Variants in SUPV3L1 observed in about 807,000 individuals in gnomAD.
SUPV3L1 encodes ATP-dependent RNA helicase SUPV3L1, mitochondrial.
In SUPV3L1, 35 loss-of-function variants were observed where a neutral mutation model predicts 70.0. The observed-to-expected ratio is 0.50, with a 90% CI of 0.38 to 0.66. The LOEUF (loss-of-function observed/expected upper bound fraction) is 0.66. Among genes scored for constraint, SUPV3L1 ranks in the 30% least tolerant of loss-of-function variants. The probability of loss-of-function intolerance (pLI) is 0.00; values close to 1 mark genes in which losing one functional copy is unlikely to be tolerated. For missense variants in SUPV3L1, 777 were observed against 961.5 expected (o/e 0.81, Z 2.54); for synonymous variants, 364 against 341.9 (o/e 1.06, Z -0.71).
intron 5 of SUPV3L1, among the ~76,000 whole-genome samples, chr10:69,191,225 A>G (rs1024751779): frequency 7.4e-6 from 1 of 136,014 alleles, no homozygotes; most frequent in Middle Eastern, 3.8e-3. Context: ...GGAAAAAAGC[A>G]TTGGGAATTT....
chr10:69,201,467 TC>T (rs1404650085), intron 11 of SUPV3L1, among the ~76,000 whole-genome samples: 1 of 152,144 alleles, frequency 6.6e-6, no homozygotes, highest in Non-Finnish European at 1.5e-5. Flanking sequence ...TTTTTCTTAT[TC>T]ATTTTAATTC....
At chr10:69,193,960 G>A (rs1426356079) in intron 6 of SUPV3L1, among the ~76,000 whole-genome samples, 5 of 152,186 alleles carry the variant, frequency 3.3e-5, no homozygotes, top group African/African-American at 1.2e-4. Flanking sequence ...GAGCATGACT[G>A]AGGCCCAAGG....
In SUPV3L1 at chr10:69,186,405, A is replaced by T; in HGVS notation, c.350-38A>T. ...GTGTCTGTGTGCTTTTTAAAATGAG[A>T]ACTACACCTTACATCTTTTCATTTT... On this transcript the variant is annotated intron_variant, in intron 2 of 14. Coordinates refer to ENST00000359655, the MANE Select transcript of SUPV3L1 (RefSeq NM_003171.5). 4 of 1,486,254 alleles carry T rather than the reference A, an allele frequency of 2.7e-6. No individual in the cohort carries two copies. In the South Asian group the frequency reaches 4.5e-5, roughly 17 times the overall value. The allele number at this position is 1,486,254 out of a possible 1,614,324, so 92.1% of individuals were successfully genotyped here. A position where few individuals can be genotyped will look rare whatever the true frequency, so the allele number is the denominator to read the frequency against.
rs1271219722 is a variant in SUPV3L1 at position 69,208,764 on chromosome 10, C to T, written c.2090C>T (p.Ser697Leu). The T allele has an allele frequency of 1.2e-6, 2 of 1,614,134 alleles. No homozygotes were observed. Among genetic ancestry groups the T allele is most frequent in the Admixed American group, 1.7e-5 (1 of 60,018 alleles). The change falls in exon 15 of 15, where the codon TCA becomes TTA. Residue 697 changes from serine (S) to leucine (L), a missense_variant. This residue lies in a region of SUPV3L1 where 619 missense variants were observed against 823.3 expected (regional missense o/e 0.75). Transcript: ENST00000359655. Reference sequence around the variant, plus strand: ...GAGGGCTTTCCATCAGGGAGCCAGTCACGATTGTCAGGAACCTTAAAGAGC... The same window carrying T: ...GAGGGCTTTCCATCAGGGAGCCAGTTACGATTGTCAGGAACCTTAAAGAGC... ...NLEGFPSGSQ[S>L]RLSGTLKSQA...
intron 12 of SUPV3L1, 126 bp downstream of exon 12, chr10:69,202,645 A>G: frequency 6.1e-6 from 7 of 1,150,652 alleles, no homozygotes; most frequent in Non-Finnish European, 7.3e-6. Flanking sequence ...AATTTATTTT[A>G]CAAGTGAAAA....
chr10:69,187,612 C>A, intron 3 of SUPV3L1, 30 bp from the exon 4 acceptor site: 1 of 1,445,294 alleles, frequency 6.9e-7, no homozygotes, highest in Non-Finnish European at 9.5e-7. Context: ...ATGTAGATTG[C>A]ACATGTTAAT....
chr10:69,194,040 A>G (rs1842470947), intron 6 of SUPV3L1, among the ~76,000 whole-genome samples: 1 of 152,198 alleles, frequency 6.6e-6, no homozygotes, highest in African/African-American at 2.4e-5. Flanking sequence ...ATGCTTCATT[A>G]GTAAATGAAG....
At chr10:69,196,865 T>C (rs1305540705) in intron 7 of SUPV3L1, 127 bp from the exon 8 acceptor site, 15 of 700,484 alleles carry the variant, frequency 2.1e-5, no homozygotes, top group Non-Finnish European at 3.3e-5. Flanking sequence ...AGAGATAATA[T>C]TTTTGAAAAT....
In SUPV3L1 at chr10:69,208,828, T is replaced by G. The variant is rs2132314080; in HGVS notation, c.2154T>G (p.Ser718Arg). The G allele has an allele frequency of 6.2e-7, 1 of 1,613,934 alleles. No individual in the cohort carries two copies. Among genetic ancestry groups the G allele is most frequent in the Admixed American group, 1.7e-5 (1 of 59,978 alleles). Residue 718 changes from serine (S) to arginine (R), a missense_variant, in exon 15 of 15, where the codon AGT (serine) becomes AGG (arginine). Ser to Arg is a moderately radical substitution (Grantham distance 110, BLOSUM62 -1). Around this residue, in one of 2 missense-constraint regions of SUPV3L1, gnomAD observed 619 missense variants for 823.3 expected, o/e 0.75. Coordinates refer to ENST00000359655, the MANE Select transcript of SUPV3L1 (RefSeq NM_003171.5). ...CACGCGGCACCAAAGCTCTAGGGAG[T>G]AAAGCTACTGAGCCACCCAGCCCCG... is the stretch of plus-strand genomic sequence containing the variant. ...RRTRGTKALG[S>R]KATEPPSPDA...
rs146467120 is a variant in SUPV3L1, at chr10:69,206,401, C to A, written c.1777-1392C>A. ...AATCAGGAAATGAATCATTTGAAATCAGCTTGAATCTTGAAGCTGAAGATT... is the reference window on the plus strand; with the variant it reads ...AATCAGGAAATGAATCATTTGAAATAAGCTTGAATCTTGAAGCTGAAGATT... On this transcript the variant is annotated intron_variant, in intron 13 of 14. Coordinates refer to ENST00000359655, the MANE Select transcript of SUPV3L1 (RefSeq NM_003171.5). Among the ~76,000 whole-genome samples the A allele has an allele frequency of 9.2e-5, 14 of 152,292 alleles. No homozygotes were observed. The East Asian group carries it at 2.5e-3, about 27-fold the overall frequency.
At chr10:69,181,681 G>A (rs1842065596) in intron 1 of SUPV3L1, among the ~76,000 whole-genome samples, 1 of 152,156 alleles carries the variant, frequency 6.6e-6, no homozygotes, top group African/African-American at 2.4e-5. Context: ...ATGGTGGAAG[G>A]TGGAAAGGCA....
In SUPV3L1 at chr10:69,199,667, G is replaced by A. The variant is rs140686975; in HGVS notation, c.1298+470G>A. 3.8e-3 allele frequency among the ~76,000 whole-genome samples: 585 copies of A among 152,066 alleles called. 7 individuals are homozygous for A. Among genetic ancestry groups the A allele is most frequent in the South Asian group, 0.023 (109 of 4,804 alleles). On this transcript the variant is annotated intron_variant, in intron 10 of 14. Transcript: ENST00000359655. Reference sequence around the variant, plus strand: ...CAAAGTGCTAGGATTACAGGCATGAGCCACTACACTCGGCCCACACTAGGA... The same window carrying A: ...CAAAGTGCTAGGATTACAGGCATGAACCACTACACTCGGCCCACACTAGGA...
In SUPV3L1 at chr10:69,196,657, C is replaced by A. The variant is rs933853595; in HGVS notation, c.932-335C>A. Among the ~76,000 whole-genome samples, 7 of 152,116 alleles carry A rather than the reference C, an allele frequency of 4.6e-5. No individual in the cohort carries two copies. In the East Asian group the frequency reaches 1.3e-3, roughly 29 times the overall value. ...CAACCTCTGAGGTACCTCAGCGATT[C>A]CATGGAGCCTAATTTGAAAAACACA... On this transcript the variant is annotated intron_variant, in intron 7 of 14. Transcript: ENST00000359655.
Position 69,207,949 on chromosome 10 carries a change from C to T in SUPV3L1, c.1925+8C>T. 1 of 1,610,548 alleles carries T rather than the reference C, an allele frequency of 6.2e-7. No individual in the cohort carries two copies. Among genetic ancestry groups the T allele is most frequent in the Non-Finnish European group, 8.5e-7 (1 of 1,178,392 alleles). ...TCTTTACTTGTGGCTAAGGTACCAA[C>T]ATTTTTCCTTTATGTGCTCTCATTT... On this transcript the variant is annotated splice_region_variant and intron_variant, in intron 14 of 14. Transcript: ENST00000359655.
chr10:69,197,849 A>C (rs548601767), intron 8 of SUPV3L1, among the ~76,000 whole-genome samples: 1 of 152,318 alleles, frequency 6.6e-6, no homozygotes, highest in South Asian at 2.1e-4. Flanking sequence ...GATTATAAGC[A>C]TAAGCCAAGG....
Position 69,202,128 on chromosome 10 carries a change from C to T in SUPV3L1, c.1519-311C>T, listed in dbSNP as rs185275251. On this transcript the variant is annotated intron_variant, in intron 11 of 14. Coordinates refer to ENST00000359655, the MANE Select transcript of SUPV3L1 (RefSeq NM_003171.5). ...TGCTGGGATTACAGGCATGAGCCAC[C>T]ACACCCAGCCCATAAAATCATTTTT... 1.2e-3 allele frequency among the ~76,000 whole-genome samples: 182 copies of T among 152,026 alleles called. 5 individuals carry two copies. The East Asian group carries it at 0.029, about 24-fold the overall frequency.
intron 14 of SUPV3L1, among the ~76,000 whole-genome samples, chr10:69,208,200 C>A (rs1162356631): frequency 2.0e-5 from 3 of 152,188 alleles, no homozygotes; most frequent in Non-Finnish European, 4.4e-5. Context: ...GGTCCTTGGA[C>A]CAAAAGCATT....
At chr10:69,191,597 T>C (rs1842399235) in intron 5 of SUPV3L1, 58 bp from the exon 6 acceptor site, 3 of 1,469,764 alleles carry the variant, frequency 2.0e-6, no homozygotes, top group Admixed American at 3.5e-5. Context: ...CTGTTAAATA[T>C]CCAAAACGTA....
At position 69,208,620 on chromosome 10, in the gene SUPV3L1, T is replaced by G. The variant is rs201173111; in HGVS notation, c.1946T>G (p.Phe649Cys). The change falls in exon 15 of 15, where the codon TTT becomes TGT. Residue 649 changes from phenylalanine (F) to cysteine (C), a missense_variant. Transcript: ENST00000359655. ...LWLSYRFMDM[F>C]PDASLIRDLQ... ...CCCAGCTACCGATTTATGGATATGT[T>G]TCCAGATGCCAGCCTTATTCGAGAT... The G allele has an allele frequency of 1.2e-6, 2 of 1,612,490 alleles. No individual in the cohort carries two copies. The highest frequency in any genetic ancestry group is 1.7e-6 in the Non-Finnish European group (2 of 1,178,568).
Sources: gnomAD v4.1 joint callset for allele counts (sites outside exome capture counted in the v4.1 genomes callset) on GRCh38, gnomAD v4.1.1 for gene constraint, gnomAD v4.1.1 regional missense constraint, MANE v1.5 for transcripts, NCBI Gene and HGNC (gene_info 2026-07-23, HGNC 2026-07-21) for gene names.